XIRP2: variants seen among roughly 807,000 people sequenced by gnomAD.
XIRP2 encodes xin actin binding repeat containing 2, also known as xin actin-binding repeat-containing protein 2.
Under a neutral mutation model 277.0 loss-of-function variants are expected in XIRP2, and 236 were observed. That is an observed-to-expected ratio of 0.85 (90% CI 0.77 to 0.95). The LOEUF (loss-of-function observed/expected upper bound fraction) is 0.95, where lower values mean the gene tolerates loss of function less well. Ranked by LOEUF, XIRP2 falls within the 40% of genes least tolerant of loss-of-function variation. The pLI, the probability that XIRP2 is intolerant of heterozygous loss-of-function variation, is 0.00. For synonymous variants in XIRP2, 1,490 were observed against 1,416.5 expected (o/e 1.05, Z -1.17); for missense variants, 4,640 against 4,157.5 (o/e 1.12, Z -3.19).
In XIRP2 at chr2:167,245,948, C is replaced by T. The variant is rs868550143; in HGVS notation, c.4556C>T (p.Pro1519Leu). 6.2e-7 allele frequency: 1 copy of T among 1,613,694 alleles called. No individual in the cohort carries two copies. Among genetic ancestry groups the T allele is most frequent in the Non-Finnish European group, 8.5e-7 (1 of 1,179,760 alleles). ...AAAATGACCAAGGAAGAAATCCCTC[C>T]TTCTGATGTCAAAACAACCACATGG... ...ITKMTKEEIP[P>L]SDVKTTTWLF... Residue 1519 changes from proline (P) to leucine (L), a missense_variant, in exon 9 of 11, where the codon CCT becomes CTT. Transcript: ENST00000409195.
chr2:167,253,954 T>C (rs1695586955), intron 9 of XIRP2, 78 bp from the exon 10 acceptor site: 3 of 1,467,764 alleles, frequency 2.0e-6, no homozygotes, highest in South Asian at 2.9e-5. Context: ...CCAGTTAATA[T>C]GTGTTTTTGT....
At chr2:166,908,344 T>C (rs1684588393) in intron 2 of XIRP2, among the ~76,000 whole-genome samples, 1 of 152,234 alleles carries the variant, frequency 6.6e-6, no homozygotes, top group South Asian at 2.1e-4. Context: ...GTGGTTTTGA[T>C]TTGCATTTCT....
chr2:167,112,438 T>C (rs937696068), intron 2 of XIRP2, among the ~76,000 whole-genome samples: 1 of 151,552 alleles, frequency 6.6e-6, no homozygotes, highest in Admixed American at 6.6e-5. Context: ...TTCCGGAGCA[T>C]TCAGGAGCAG....
In XIRP2 at chr2:167,173,584, A is replaced by G. The variant is rs1288177756; in HGVS notation, c.563-37151A>G. 2.0e-5 allele frequency among the ~76,000 whole-genome samples: 3 copies of G among 152,238 alleles called. No individual in the cohort carries two copies. In the East Asian group the frequency reaches 5.8e-4, roughly 29 times the overall value. The stretch of plus-strand genomic sequence containing the variant: ...CTTGGCTATTGTGAAGAAGGCTGCA[A>G]TAAACATGAGAGTGCAGATATCTCT... On this transcript the variant is annotated intron_variant, in intron 3 of 10. Transcript: ENST00000409195.
At chr2:167,103,160 A>C (rs950553022) in intron 2 of XIRP2, among the ~76,000 whole-genome samples, 2 of 152,052 alleles carry the variant, frequency 1.3e-5, no homozygotes, top group African/African-American at 4.8e-5. Context: ...GGAAGGAAGA[A>C]AGAAAGGAAG....
At chr2:166,975,360 A>T (rs185181714) in intron 2 of XIRP2, among the ~76,000 whole-genome samples, 1 of 152,348 alleles carries the variant, frequency 6.6e-6, no homozygotes, top group African/African-American at 2.4e-5. Flanking sequence ...TTTCAAGTGC[A>T]TATAGTATAT....
chr2:166,970,387 TG>T, intron 2 of XIRP2, among the ~76,000 whole-genome samples: 1 of 152,118 alleles, frequency 6.6e-6, no homozygotes. Context: ...CATGAGTTTT[TG>T]GCAAGATTTC....
At chr2:166,984,535 CAAAT>C (rs545599690) in intron 2 of XIRP2, among the ~76,000 whole-genome samples, 233 of 152,108 alleles carry the variant, frequency 1.5e-3, no homozygotes, top group Middle Eastern at 0.01. Context: ...ATAAAGATCA[CAAAT>C]AAATATCTGC....
intron 3 of XIRP2, among the ~76,000 whole-genome samples, chr2:167,149,690 G>C (rs1320425782): frequency 6.6e-6 from 1 of 151,734 alleles, no homozygotes; most frequent in Admixed American, 6.6e-5. Flanking sequence ...AAAAATATAG[G>C]AAATATTTAT....
At chr2:167,183,752 T>A (rs1343740327) in intron 3 of XIRP2, among the ~76,000 whole-genome samples, 2 of 152,130 alleles carry the variant, frequency 1.3e-5, no homozygotes, top group African/African-American at 4.8e-5. Context: ...GAAAAGTTTT[T>A]TTTTTTAGTA....
At chr2:167,126,606 G>A (rs532720017) in intron 2 of XIRP2, among the ~76,000 whole-genome samples, 1 of 152,268 alleles carries the variant, frequency 6.6e-6, no homozygotes, top group African/African-American at 2.4e-5. Flanking sequence ...TTAAATGGAA[G>A]AGCTCCACAT....
chr2:167,089,628 G>A (rs901819285), intron 2 of XIRP2, among the ~76,000 whole-genome samples: 1 of 152,094 alleles, frequency 6.6e-6, no homozygotes, highest in Non-Finnish European at 1.5e-5. Context: ...ATGTGTGTGG[G>A]GGGGTGTATT....
Position 167,148,792 on chromosome 2 carries a change from C to T in XIRP2, c.562+12730C>T, listed in dbSNP as rs189722769. 9.9e-5 allele frequency among the ~76,000 whole-genome samples: 15 copies of T among 151,970 alleles called. 1 individual carries two copies. Among genetic ancestry groups the T allele is most frequent in the East Asian group, 3.9e-4 (2 of 5,156 alleles). On this transcript the variant is annotated intron_variant, in intron 3 of 10. Transcript: ENST00000409195. Reference sequence around the variant, plus strand: ...TAGACTTAAATGGAAAAAAATACCACGTAACAATAGAAATAAAGAATAATC... The same window carrying T: ...TAGACTTAAATGGAAAAAAATACCATGTAACAATAGAAATAAAGAATAATC...
chr2:166,938,214 T>A (rs1045284974), intron 2 of XIRP2, among the ~76,000 whole-genome samples: 1 of 152,218 alleles, frequency 6.6e-6, no homozygotes, highest in African/African-American at 2.4e-5. Context: ...TCTTTCCTGC[T>A]TTCTCTTGTG....
At position 167,144,819 on chromosome 2, in the gene XIRP2, G is replaced by A. The variant is rs375802010; in HGVS notation, c.562+8757G>A. ...CAATTGCTTCATAGTTATATTGTAC[G>A]TGGGAAGCTATTAAGAAACTTTAAT... On this transcript the variant is annotated intron_variant, in intron 3 of 10. Transcript: ENST00000409195. Among the ~76,000 whole-genome samples the A allele has an allele frequency of 3.5e-4, 53 of 152,208 alleles. 1 individual carries two copies. The South Asian group carries it at 0.011, about 30-fold the overall frequency.
chr2:166,929,079 C>T (rs1027120134), intron 2 of XIRP2, among the ~76,000 whole-genome samples: 1 of 152,030 alleles, frequency 6.6e-6, no homozygotes, highest in Non-Finnish European at 1.5e-5. Context: ...GCAGCCTCAG[C>T]CTCACCTGTG....
intron 3 of XIRP2, among the ~76,000 whole-genome samples, chr2:167,145,388 G>A (rs796288266): frequency 6.6e-6 from 1 of 152,220 alleles, no homozygotes; most frequent in African/African-American, 2.4e-5. Flanking sequence ...AAAAGAGGAA[G>A]GGGAATTATT....
chr2:167,129,119 A>C (rs1356841044), intron 2 of XIRP2, among the ~76,000 whole-genome samples: 1 of 152,316 alleles, frequency 6.6e-6, no homozygotes, highest in East Asian at 1.9e-4. Context: ...ACAGTAACAC[A>C]GCAGAATTCA....
At chr2:167,165,872 G>A (rs1396973467) in intron 3 of XIRP2, among the ~76,000 whole-genome samples, 2 of 152,098 alleles carry the variant, frequency 1.3e-5, no homozygotes, top group African/African-American at 2.4e-5. Context: ...TTCTCTCATG[G>A]ATTATGTTAT....
Sources: gnomAD v4.1 joint callset for allele counts (sites outside exome capture counted in the v4.1 genomes callset) on GRCh38, gnomAD v4.1.1 for gene constraint, MANE v1.5 for transcripts, NCBI Gene and HGNC (gene_info 2026-07-23, HGNC 2026-07-21) for gene names.